CPNE4: variants seen among roughly 807,000 people sequenced by gnomAD.
CPNE4 encodes the protein copine-4.
Under a neutral mutation model 67.9 loss-of-function variants are expected in CPNE4, and 25 were observed. That is an observed-to-expected ratio of 0.37 (90% CI 0.27 to 0.51). The LOEUF is 0.51. Among genes scored for constraint, CPNE4 ranks in the 20% least tolerant of loss-of-function variants. The pLI, the probability that CPNE4 is intolerant of heterozygous loss-of-function variation, is 0.93. For synonymous variants in CPNE4, 242 were observed against 244.9 expected (o/e 0.99, Z 0.11); for missense variants, 464 against 690.8 (o/e 0.67, Z 3.68).
intron 7 of CPNE4, among the ~76,000 whole-genome samples, chr3:131,587,828 TA>T (rs1325257428): frequency 6.6e-6 from 1 of 152,194 alleles, no homozygotes; most frequent in Non-Finnish European, 1.5e-5. Flanking sequence ...ATTTTTCAGA[TA>T]AGGCCAGTAA....
chr3:131,772,470 G>C (rs1199291413), intron 2 of CPNE4, among the ~76,000 whole-genome samples: 1 of 152,044 alleles, frequency 6.6e-6, no homozygotes, highest in Non-Finnish European at 1.5e-5. Context: ...CACATGCAAG[G>C]GAGTTTCACT....
intron 2 of CPNE4, among the ~76,000 whole-genome samples, chr3:131,817,807 T>C (rs886895935): frequency 6.6e-6 from 1 of 152,210 alleles, no homozygotes; most frequent in Non-Finnish European, 1.5e-5. Flanking sequence ...TGAAAAGGGA[T>C]ACAGAAAAGT....
chr3:132,021,524 C>T (rs376099337), intron 1 of CPNE4, among the ~76,000 whole-genome samples: 17 of 152,134 alleles, frequency 1.1e-4, no homozygotes, highest in African/African-American at 3.9e-4. Context: ...ATCATGTGGT[C>T]GCTGTTTCAA....
chr3:131,699,829 C>T (rs2081248265), intron 4 of CPNE4, 80 bp downstream of exon 4: 2 of 1,075,660 alleles, frequency 1.9e-6, no homozygotes, highest in African/African-American at 3.1e-5. Context: ...AAGTCTGCTT[C>T]CCAAGTGTCT....
chr3:131,984,732 C>A (rs2073001166), intron 1 of CPNE4, among the ~76,000 whole-genome samples: 1 of 152,152 alleles, frequency 6.6e-6, no homozygotes, highest in Admixed American at 6.5e-5. Context: ...GGTTGTAGTG[C>A]CAGAGAATTA....
At chr3:131,820,653 C>A (rs1300499689) in intron 2 of CPNE4, among the ~76,000 whole-genome samples, 1 of 152,180 alleles carries the variant, frequency 6.6e-6, no homozygotes, top group Non-Finnish European at 1.5e-5. Flanking sequence ...CAGAAAAATC[C>A]CATTGTAATG....
rs976602349 is a variant in CPNE4, at chr3:131,830,770, A to G, written c.180+74494T>C. ...AGGCAAGCTTCATAAAATCATGTCT[A>G]TTTTGTTCACTGATACATCCCAGGT... On this transcript the variant is annotated intron_variant, in intron 2 of 15. Transcript: ENST00000429747. Among the ~76,000 whole-genome samples the G allele has an allele frequency of 2.3e-4, 35 of 152,182 alleles. 1 individual carries two copies. The highest frequency in any genetic ancestry group is 7.9e-4 in the African/African-American group (33 of 41,522).
intron 6 of CPNE4, among the ~76,000 whole-genome samples, chr3:131,683,055 A>G (rs529711991): frequency 6.6e-6 from 1 of 152,214 alleles, no homozygotes; most frequent in African/African-American, 2.4e-5. Context: ...TCTTACCCAA[A>G]GCCAGTCCAG....
chr3:131,684,592 T>A (rs1163761873), intron 6 of CPNE4, among the ~76,000 whole-genome samples: 1 of 152,200 alleles, frequency 6.6e-6, no homozygotes, highest in Non-Finnish European at 1.5e-5. Context: ...CCTGCAACTC[T>A]GTCACTTCAG....
At chr3:131,779,442 G>T (rs2083377531) in intron 2 of CPNE4, among the ~76,000 whole-genome samples, 1 of 152,010 alleles carries the variant, frequency 6.6e-6, no homozygotes, top group Admixed American at 6.6e-5. Context: ...ATACTGCAAA[G>T]CTACAGTAAC....
chr3:132,003,160 A>G (rs2073499347), intron 1 of CPNE4, among the ~76,000 whole-genome samples: 1 of 152,162 alleles, frequency 6.6e-6, no homozygotes. Flanking sequence ...ATAAGCTGAT[A>G]TGGCTTGCGT....
intron 7 of CPNE4, among the ~76,000 whole-genome samples, chr3:131,650,608 G>A (rs540243141): frequency 2.3e-4 from 35 of 150,088 alleles, no homozygotes; most frequent in African/African-American, 8.8e-4. Context: ...AGCCGGGCGT[G>A]GTGGTGGGCG....
chr3:132,008,493 C>G (rs2107674154), intron 1 of CPNE4, among the ~76,000 whole-genome samples: 1 of 152,294 alleles, frequency 6.6e-6, no homozygotes, highest in Admixed American at 6.5e-5. Flanking sequence ...AGCAACTCAT[C>G]CATGCTTTAC....
intron 7 of CPNE4, among the ~76,000 whole-genome samples, chr3:131,642,751 T>G (rs778872011): frequency 1.3e-5 from 2 of 152,164 alleles, no homozygotes; most frequent in Non-Finnish European, 2.9e-5. Context: ...TTTGCCGCCA[T>G]GTGAGGAAGG....
intron 3 of CPNE4, among the ~76,000 whole-genome samples, chr3:131,717,742 C>T (rs1450751115): frequency 3.3e-5 from 5 of 152,106 alleles, no homozygotes; most frequent in South Asian, 2.1e-4. Context: ...TAACTACTGC[C>T]GCCCGCATTT....
intron 1 of CPNE4, among the ~76,000 whole-genome samples, chr3:131,930,271 G>A (rs1368673266): frequency 6.6e-6 from 1 of 152,054 alleles, no homozygotes; most frequent in Non-Finnish European, 1.5e-5. Context: ...TAACCCATAT[G>A]TACAAAGGGA....
intron 7 of CPNE4, among the ~76,000 whole-genome samples, chr3:131,623,069 G>A (rs1940561555): frequency 1.3e-5 from 2 of 152,088 alleles, no homozygotes; most frequent in Non-Finnish European, 2.9e-5. Context: ...GGACAGAGGA[G>A]GGGCCAGGTA....
At chr3:131,900,002 T>G (rs1021896221) in intron 2 of CPNE4, among the ~76,000 whole-genome samples, 5 of 152,160 alleles carry the variant, frequency 3.3e-5, no homozygotes, top group Admixed American at 1.3e-4. Flanking sequence ...CCTTCTGTGC[T>G]GCTAACAGGG....
In CPNE4 at chr3:131,660,584, G is replaced by C. The variant is rs866873963; in HGVS notation, c.681+9091C>G. On this transcript the variant is annotated intron_variant, in intron 7 of 15. Coordinates refer to ENST00000429747, the MANE Select transcript of CPNE4 (RefSeq NM_130808.3). ...CAGAATATTTCCATCATCACGGAAA[G>C]TTTTATTGGACTTTAGGTTCTGGTA... 2.6e-5 allele frequency among the ~76,000 whole-genome samples: 4 copies of C among 152,160 alleles called. No homozygotes were observed. The East Asian group carries it at 7.7e-4, about 29-fold the overall frequency.
Sources: allele counts gnomAD v4.1 joint callset (sites outside exome capture counted in the v4.1 genomes callset), GRCh38; gene constraint gnomAD v4.1.1; transcripts MANE v1.5; gene names NCBI Gene and HGNC (gene_info 2026-07-23, HGNC 2026-07-21).